GRIK1: variants seen among roughly 807,000 people sequenced by gnomAD.
GRIK1 encodes glutamate ionotropic receptor kainate type subunit 1, also known as glutamate receptor ionotropic, kainate 1.
A neutral mutation model predicts 105.7 loss-of-function variants in GRIK1; 69 were observed. The observed-to-expected ratio is 0.65, with a 90% CI of 0.54 to 0.80. The LOEUF (loss-of-function observed/expected upper bound fraction) is 0.80. Among genes scored for constraint, GRIK1 ranks in the 30% least tolerant of loss-of-function variants. The probability of loss-of-function intolerance (pLI) is 0.00; values close to 1 mark genes in which losing one functional copy is unlikely to be tolerated. For synonymous variants in GRIK1, 438 were observed against 431.3 expected (o/e 1.02, Z -0.19); for missense variants, 1,109 against 1,167.3 (o/e 0.95, Z 0.73).
At chr21:29,608,821 A>G (rs2061672597) in intron 7 of GRIK1, among the ~76,000 whole-genome samples, 1 of 152,120 alleles carries the variant, frequency 6.6e-6, no homozygotes, top group Non-Finnish European at 1.5e-5. Context: ...ATTGGTATAG[A>G]CTTTGGATAT....
rs540773518 is a variant in GRIK1 at position 29,809,202 on chromosome 21, A to G, written c.119-115139T>C. 9.9e-5 allele frequency among the ~76,000 whole-genome samples: 15 copies of G among 152,182 alleles called. 1 individual carries two copies. Among genetic ancestry groups the G allele is most frequent in the Non-Finnish European group, 1.9e-4 (13 of 68,018 alleles). ...TGCTCCAGGTTAAGACTGTAATCAG[A>G]CATAATTACTTAAGACATGTATACC... On this transcript the variant is annotated intron_variant, in intron 1 of 17. Transcript: ENST00000327783.
intron 1 of GRIK1, among the ~76,000 whole-genome samples, chr21:29,784,269 C>A (rs2066201600): frequency 6.6e-6 from 1 of 152,098 alleles, no homozygotes; most frequent in African/African-American, 2.4e-5. Context: ...AATCAATAAC[C>A]TTGTACAAGC....
intron 2 of GRIK1, among the ~76,000 whole-genome samples, chr21:29,693,354 A>G (rs955067116): frequency 6.6e-6 from 1 of 152,224 alleles, no homozygotes; most frequent in African/African-American, 2.4e-5. Flanking sequence ...ACTTGGCTTC[A>G]GTTCAGAAGA....
intron 1 of GRIK1, among the ~76,000 whole-genome samples, chr21:29,793,701 C>A (rs773885827): frequency 6.6e-6 from 1 of 152,078 alleles, no homozygotes; most frequent in Non-Finnish European, 1.5e-5. Context: ...TACTAGAAGA[C>A]CAGCAAATTA....
intron 4 of GRIK1, among the ~76,000 whole-genome samples, chr21:29,660,017 T>C (rs1380709312): frequency 6.6e-6 from 1 of 152,026 alleles, no homozygotes; most frequent in Non-Finnish European, 1.5e-5. Context: ...AAACCCTCAC[T>C]GCCAGCTGCC....
At chr21:29,740,863 T>C (rs190007317) in intron 1 of GRIK1, among the ~76,000 whole-genome samples, 17 of 152,330 alleles carry the variant, frequency 1.1e-4, no homozygotes, top group Middle Eastern at 6.8e-3. Context: ...GTTGGCCTTT[T>C]CTTTGCTAAG....
intron 7 of GRIK1, among the ~76,000 whole-genome samples, chr21:29,616,276 A>G (rs1045090010): frequency 6.6e-6 from 1 of 152,194 alleles, no homozygotes; most frequent in Non-Finnish European, 1.5e-5. Flanking sequence ...CTTGAGGGAT[A>G]CGGTACTCTC....
intron 4 of GRIK1, among the ~76,000 whole-genome samples, chr21:29,669,218 C>G (rs1007659580): frequency 6.6e-6 from 1 of 152,222 alleles, no homozygotes; most frequent in Non-Finnish European, 1.5e-5. Context: ...AGACTTTTCC[C>G]CAATTTTTGC....
In GRIK1 at chr21:29,879,313, A is replaced by G. The variant is rs140768985; in HGVS notation, c.118+60070T>C. Among the ~76,000 whole-genome samples the G allele has an allele frequency of 4.1e-3, 625 of 152,216 alleles. 1 individual carries two copies. The highest frequency in any genetic ancestry group is 0.02 in the Middle Eastern group (6 of 294). ...AGGTATCTATGTTAGAGTGATCAAC[A>G]GAGAGAAAGAGCTGCCAACTGTGGT... On this transcript the variant is annotated intron_variant, in intron 1 of 17. Transcript: ENST00000327783.
intron 10 of GRIK1, among the ~76,000 whole-genome samples, chr21:29,590,063 T>C (rs2061311002): frequency 6.6e-6 from 1 of 152,230 alleles, no homozygotes. Flanking sequence ...ATAACCTTGT[T>C]AATTCTCATT....
At chr21:29,857,433 A>C (rs1270818677) in intron 1 of GRIK1, among the ~76,000 whole-genome samples, 1 of 152,216 alleles carries the variant, frequency 6.6e-6, no homozygotes, top group African/African-American at 2.4e-5. Context: ...AATGTTTCTT[A>C]CAACAATGCA....
At chr21:29,616,988 C>T (rs1274958247) in intron 7 of GRIK1, among the ~76,000 whole-genome samples, 1 of 152,154 alleles carries the variant, frequency 6.6e-6, no homozygotes, top group African/African-American at 2.4e-5. Flanking sequence ...TTCATTCTCT[C>T]TCTTGGTGTG....
chr21:29,596,522 A>C lies in GRIK1; in HGVS notation c.1251+4T>G. On this transcript the variant is annotated splice_donor_region_variant and intron_variant, in intron 9 of 17. Transcript: ENST00000327783. ...TTTCCTGCAGTTGTTGTCAGAGTACAAACCTTCTTCCACACTTTATACAAG... is the reference window on the plus strand; with the variant it reads ...TTTCCTGCAGTTGTTGTCAGAGTACCAACCTTCTTCCACACTTTATACAAG... 6.2e-7 allele frequency: 1 copy of C among 1,601,844 alleles called. No homozygotes were observed. The highest frequency in any genetic ancestry group is 1.1e-5 in the South Asian group (1 of 90,844).
At chr21:29,546,293 T>C (rs1377233655) in intron 16 of GRIK1, among the ~76,000 whole-genome samples, 1 of 152,194 alleles carries the variant, frequency 6.6e-6, no homozygotes, top group Non-Finnish European at 1.5e-5. Flanking sequence ...TCTCTGAGAT[T>C]GAGGAAGACA....
intron 3 of GRIK1, among the ~76,000 whole-genome samples, chr21:29,678,301 A>C (rs1330878009): frequency 6.6e-6 from 1 of 152,192 alleles, no homozygotes; most frequent in Non-Finnish European, 1.5e-5. Context: ...TTACCTGGGG[A>C]AACACAATGC....
chr21:29,591,271 C>T (rs1475571575), intron 9 of GRIK1, 46 bp from the exon 10 acceptor site: 14 of 1,083,186 alleles, frequency 1.3e-5, no homozygotes, highest in Non-Finnish European at 1.9e-5. Flanking sequence ...GTCAGTGTGG[C>T]ATTTACACCA....
chr21:29,735,886 G>T (rs2064778750), intron 1 of GRIK1, among the ~76,000 whole-genome samples: 1 of 150,438 alleles, frequency 6.6e-6, no homozygotes, highest in Non-Finnish European at 1.5e-5. Context: ...TATTTGAAGA[G>T]ATTGGTACAT....
At chr21:29,939,356 C>T (rs919923913) in intron 1 of GRIK1, 27 bp downstream of exon 1, 2 of 1,327,048 alleles carry the variant, frequency 1.5e-6, no homozygotes, top group Non-Finnish European at 2.1e-6. Context: ...CCACGTCTCC[C>T]GAGCAGGCAG....
At chr21:29,807,047 C>A (rs2066881035) in intron 1 of GRIK1, among the ~76,000 whole-genome samples, 1 of 152,176 alleles carries the variant, frequency 6.6e-6, no homozygotes, top group South Asian at 2.1e-4. Flanking sequence ...AGGTCTCAAT[C>A]CTCCCAGCCT....
Sources: gnomAD v4.1 joint callset for allele counts (sites outside exome capture counted in the v4.1 genomes callset) on GRCh38, gnomAD v4.1.1 for gene constraint, MANE v1.5 for transcripts, NCBI Gene and HGNC (gene_info 2026-07-23, HGNC 2026-07-21) for gene names.